Variants in EPB41L4A observed in about 807,000 individuals in gnomAD.
EPB41L4A encodes the protein band 4.1-like protein 4A.
EPB41L4A carries 100 observed loss-of-function variants against 108.6 expected under a neutral mutation model. The ratio of observed to expected loss-of-function variants is 0.92; its 90% CI spans 0.78 to 1.09. The LOEUF (loss-of-function observed/expected upper bound fraction) is 1.09. Ranked by LOEUF, EPB41L4A falls within the 50% of genes least tolerant of loss-of-function variation. The pLI is 0.00. For missense variants in EPB41L4A, 1,030 were observed against 842.7 expected (o/e 1.22, Z -2.75); for synonymous variants, 319 against 289.0 (o/e 1.10, Z -1.05).
intron 1 of EPB41L4A, among the ~76,000 whole-genome samples, chr5:112,418,073 G>A (rs1050065111): frequency 2.0e-5 from 3 of 152,130 alleles, no homozygotes; most frequent in African/African-American, 7.2e-5. Context: ...CCCTTCACCA[G>A]ACTCAGCTGT....
chr5:112,161,936 T>G (rs1463480787), downstream of EPB41L4A: 1 of 159,108 alleles, frequency 6.3e-6, no homozygotes, highest in Non-Finnish European at 1.4e-5. Context: ...CTCCACAGCT[T>G]ATTTTTGGGA....
rs78994514 is a variant in EPB41L4A, at chr5:112,229,089, G to A, written c.1087+5545C>T. ...AGTTTGATTGAATTACTTTAACTTC[G>A]GAATTAAAAAGAAAGGTCTTCTAAA... is the stretch of plus-strand genomic sequence containing the variant. On this transcript the variant is annotated intron_variant, in intron 12 of 22. Coordinates refer to ENST00000261486, the MANE Select transcript of EPB41L4A (RefSeq NM_022140.5). Among the ~76,000 whole-genome samples, 1,200 of 152,088 alleles carry A rather than the reference G, an allele frequency of 7.9e-3. 19 individuals are homozygous for A. The highest frequency in any genetic ancestry group is 0.028 in the African/African-American group (1,142 of 41,494).
chr5:112,289,421 G>A (rs1753502481), intron 2 of EPB41L4A, among the ~76,000 whole-genome samples: 1 of 152,058 alleles, frequency 6.6e-6, no homozygotes, highest in African/African-American at 2.4e-5. Flanking sequence ...ACTTTGAGAG[G>A]TGCAAACTTG....
intron 3 of EPB41L4A, among the ~76,000 whole-genome samples, chr5:112,275,986 T>C (rs980896268): frequency 2.0e-5 from 3 of 152,170 alleles, no homozygotes; most frequent in Non-Finnish European, 4.4e-5. Context: ...TCAGTTAATA[T>C]ATATTTGAGT....
intron 12 of EPB41L4A, among the ~76,000 whole-genome samples, chr5:112,223,750 C>G (rs1303522544): frequency 1.3e-5 from 2 of 152,152 alleles, no homozygotes; most frequent in African/African-American, 4.8e-5. Context: ...AGAGACAAAG[C>G]TATGCAAAAA....
At chr5:112,275,293 T>C (rs1335045692) in intron 4 of EPB41L4A, 33 bp downstream of exon 4, 4 of 1,521,302 alleles carry the variant, frequency 2.6e-6, no homozygotes, top group Middle Eastern at 3.4e-4. Context: ...ATGCAATGCA[T>C]GTATCTGTTC....
chr5:112,267,462 T>C (rs955927387), intron 4 of EPB41L4A, among the ~76,000 whole-genome samples: 5 of 152,236 alleles, frequency 3.3e-5, no homozygotes, highest in African/African-American at 1.2e-4. Flanking sequence ...TGCAACCATA[T>C]GTTTCAGAGA....
chr5:112,340,109 G>A (rs1472145672), intron 1 of EPB41L4A, among the ~76,000 whole-genome samples: 4 of 152,258 alleles, frequency 2.6e-5, no homozygotes, highest in South Asian at 4.1e-4. Flanking sequence ...AGAGCCCATC[G>A]ACCCCGCCCT....
chr5:112,381,701 G>A (rs1236813408), intron 1 of EPB41L4A, among the ~76,000 whole-genome samples: 2 of 152,242 alleles, frequency 1.3e-5, no homozygotes, highest in Non-Finnish European at 2.9e-5. Flanking sequence ...ATGCTGCCTT[G>A]ACACTGCCAA....
At chr5:112,143,987 T>C in intron 13 of EPB41L4A, 1 of 371,356 alleles carries the variant, frequency 2.7e-6, no homozygotes, top group Non-Finnish European at 5.6e-6. Flanking sequence ...ATTCACCCCT[T>C]ATTATCACTG....
chr5:112,380,911 C>T (rs1306659305), intron 1 of EPB41L4A, among the ~76,000 whole-genome samples: 1 of 152,022 alleles, frequency 6.6e-6, no homozygotes, highest in African/African-American at 2.4e-5. Context: ...CCCCACCAGA[C>T]CATTCTTACA....
upstream of EPB41L4A, chr5:112,419,438 C>T (rs1762947931): frequency 8.4e-6 from 3 of 359,134 alleles, no homozygotes; most frequent in Admixed American, 7.5e-5. Flanking sequence ...GAGGCTCTCC[C>T]CGGCCTTGGA....
At chr5:112,237,754 C>T (rs1012575225) in intron 11 of EPB41L4A, among the ~76,000 whole-genome samples, 7 of 152,160 alleles carry the variant, frequency 4.6e-5, no homozygotes, top group Admixed American at 3.3e-4. Context: ...AATGAACCCC[C>T]AGCAATCAGA....
In EPB41L4A at chr5:112,265,977, C is replaced by A. The variant is rs76591302; in HGVS notation, c.433+256G>T. Among the ~76,000 whole-genome samples the A allele has an allele frequency of 5.9e-3, 893 of 152,292 alleles. 3 individuals carry two copies. Among genetic ancestry groups the A allele is most frequent in the Middle Eastern group, 0.01 (3 of 294 alleles). On this transcript the variant is annotated intron_variant, in intron 5 of 22. Coordinates refer to ENST00000261486, the MANE Select transcript of EPB41L4A (RefSeq NM_022140.5). ...GATGTAGATAGAACAGATTGTTAGA[C>A]CCTCCACTTAATCAAGAATCAATGC... is the stretch of plus-strand genomic sequence containing the variant.
At chr5:112,215,501 G>A (rs758927488) in intron 12 of EPB41L4A, among the ~76,000 whole-genome samples, 4 of 152,098 alleles carry the variant, frequency 2.6e-5, no homozygotes, top group Admixed American at 1.3e-4. Context: ...GGTGGCTCAC[G>A]CCTGTAATCC....
chr5:112,394,041 C>A (rs1042302693), intron 1 of EPB41L4A, among the ~76,000 whole-genome samples: 2 of 152,118 alleles, frequency 1.3e-5, no homozygotes, highest in East Asian at 1.9e-4. Context: ...ATTCAACAGC[C>A]CTTCATGCCA....
chr5:112,273,213 A>G (rs74624926), intron 4 of EPB41L4A, among the ~76,000 whole-genome samples: 2,421 of 152,346 alleles, frequency 0.016, 60 homozygotes, highest in African/African-American at 0.055. Flanking sequence ...AAATTCAACC[A>G]TATGTTTTAG....
chr5:112,254,366 C>A (rs1164594631), intron 9 of EPB41L4A, among the ~76,000 whole-genome samples: 1 of 152,124 alleles, frequency 6.6e-6, no homozygotes, highest in Non-Finnish European at 1.5e-5. Flanking sequence ...GCAGTGAGTC[C>A]CCTCTTGTCT....
intron 1 of EPB41L4A, among the ~76,000 whole-genome samples, chr5:112,379,799 A>G (rs1208144597): frequency 6.6e-6 from 1 of 152,346 alleles, no homozygotes; most frequent in Non-Finnish European, 1.5e-5. Context: ...TGTCAAGACA[A>G]CTGCTTAATG....
Sources: allele counts gnomAD v4.1 joint callset (sites outside exome capture counted in the v4.1 genomes callset), GRCh38; gene constraint gnomAD v4.1.1; transcripts MANE v1.5; gene names NCBI Gene and HGNC (gene_info 2026-07-23, HGNC 2026-07-21).